Variants in CCDC57 observed in about 807,000 individuals in gnomAD.
CCDC57 encodes coiled-coil domain-containing protein 57.
CCDC57 carries 118 observed loss-of-function variants against 118.9 expected under a neutral mutation model. The ratio of observed to expected loss-of-function variants is 0.99; its 90% CI spans 0.86 to 1.16. The LOEUF is 1.16. Ranked by LOEUF, CCDC57 falls within the 50% of genes most tolerant of loss-of-function variation. CCDC57 has a pLI of 0.00. For synonymous variants in CCDC57, 527 were observed against 532.9 expected (o/e 0.99, Z 0.15); for missense variants, 1,300 against 1,320.7 (o/e 0.98, Z 0.24).
chr17:82,111,366 T>G (rs1450117301), intron 19 of CCDC57, among the ~76,000 whole-genome samples: 1 of 147,480 alleles, frequency 6.8e-6, no homozygotes, highest in Non-Finnish European at 1.5e-5. Flanking sequence ...CCTCTCAAAG[T>G]GCCTAGGGCC....
chr17:82,170,120 A>G (rs1287370416), intron 13 of CCDC57, among the ~76,000 whole-genome samples: 1 of 152,136 alleles, frequency 6.6e-6, no homozygotes. Flanking sequence ...TGAAGCTCTC[A>G]CCCCGAACAT....
chr17:82,166,195 T>G (rs529263348), intron 13 of CCDC57, among the ~76,000 whole-genome samples: 1 of 151,790 alleles, frequency 6.6e-6, no homozygotes, highest in East Asian at 1.9e-4. Context: ...AACACCAAGA[T>G]GACACAGACA....
intron 16 of CCDC57, among the ~76,000 whole-genome samples, chr17:82,151,290 CAT>C: frequency 6.7e-6 from 1 of 148,800 alleles, no homozygotes; most frequent in South Asian, 2.2e-4. Context: ...GAACCAGGCG[CAT>C]ACCCAGAACC....
intron 13 of CCDC57, among the ~76,000 whole-genome samples, chr17:82,165,082 G>A (rs1286658508): frequency 6.6e-6 from 1 of 152,178 alleles, no homozygotes; most frequent in African/African-American, 2.4e-5. Flanking sequence ...AGCTACACAG[G>A]AGGCCAAGGC....
intron 14 of CCDC57, among the ~76,000 whole-genome samples, chr17:82,160,873 CAAAAAAAA>C (rs55750984): frequency 1.8e-3 from 111 of 60,874 alleles, no homozygotes; most frequent in African/African-American, 4.6e-3. Context: ...GACTCTGTCT[CAAAAAAAA>C]AAAAAAAAAA....
intron 7 of CCDC57, among the ~76,000 whole-genome samples, chr17:82,190,540 C>A (rs1418637361): frequency 6.6e-6 from 1 of 151,928 alleles, no homozygotes; most frequent in East Asian, 1.9e-4. Context: ...GCTAAAAATA[C>A]AAAAATTAGC....
intron 16 of CCDC57, among the ~76,000 whole-genome samples, chr17:82,137,718 G>T (rs966715050): frequency 2.0e-5 from 3 of 149,990 alleles, no homozygotes; most frequent in Admixed American, 6.7e-5. Context: ...TGTGTCGCCA[G>T]GCTGGAGTGC....
chr17:82,134,903 G>A (rs1568211599), intron 16 of CCDC57, among the ~76,000 whole-genome samples: 1 of 152,096 alleles, frequency 6.6e-6, no homozygotes, highest in Non-Finnish European at 1.5e-5. Flanking sequence ...CACATCAAAC[G>A]AGATCCTTTC....
intron 19 of CCDC57, chr17:82,113,634 G>C (rs1469179856): frequency 2.8e-6 from 2 of 717,484 alleles, no homozygotes; most frequent in Admixed American, 4.0e-5. Context: ...TTTGGGTGAA[G>C]GGCTCCACTC....
intron 1 of CCDC57, among the ~76,000 whole-genome samples, chr17:82,209,855 C>A (rs986339383): frequency 2.6e-5 from 4 of 152,078 alleles, no homozygotes; most frequent in Admixed American, 2.0e-4. Flanking sequence ...TATAGAAACA[C>A]GTTTCCTACT....
rs79996136 is a variant in CCDC57, at chr17:82,131,409, C to T, written c.2577+2664G>A. On this transcript the variant is annotated intron_variant, in intron 17 of 19. Coordinates refer to ENST00000665763, the Ensembl canonical transcript of CCDC57. ...CCACACCACTGCAGTCTAGCCTGGG[C>T]GACAAAGTGAGACTCCATCTCATAA... Among the ~76,000 whole-genome samples, 814 of 151,354 alleles carry T rather than the reference C, an allele frequency of 5.4e-3. 57 individuals are homozygous for T. In the East Asian group the frequency reaches 0.13, roughly 25 times the overall value.
At chr17:82,182,674 T>A (rs2046356104) in intron 9 of CCDC57, among the ~76,000 whole-genome samples, 2 of 149,298 alleles carry the variant, frequency 1.3e-5, no homozygotes, top group Admixed American at 1.3e-4. Context: ...TTATTTATAT[T>A]TTATTTTTTA....
chr17:82,210,201 A>G (rs1000879489), intron 1 of CCDC57, among the ~76,000 whole-genome samples: 2 of 152,268 alleles, frequency 1.3e-5, no homozygotes, highest in Non-Finnish European at 2.9e-5. Context: ...ATGCACTAAC[A>G]CCGAGACCGC....
Position 82,118,136 on chromosome 17 carries a change from C to T in CCDC57, c.2899+9556G>A, listed in dbSNP as rs2036171350. 1.3e-5 allele frequency among the ~76,000 whole-genome samples: 2 copies of T among 152,096 alleles called. No homozygotes were observed. Among genetic ancestry groups the T allele is most frequent in the Admixed American group, 1.3e-4 (2 of 15,266 alleles). On this transcript the variant is annotated intron_variant, in intron 19 of 19. Transcript: ENST00000665763. The surrounding 1 kb of genome is among the most constrained non-coding windows in gnomAD (Gnocchi z 4.7). The stretch of plus-strand genomic sequence containing the variant: ...TAAATAAAAAAGCAAGCTGCCCCCA[C>T]GATATGCAATTGACAAGAAAAGAGG...
At chr17:82,129,502 A>C (rs532824731) in intron 17 of CCDC57, among the ~76,000 whole-genome samples, 1 of 152,324 alleles carries the variant, frequency 6.6e-6, no homozygotes, top group South Asian at 2.1e-4. Context: ...CAGTGGATGC[A>C]GAGTGTACTT....
intron 7 of CCDC57, among the ~76,000 whole-genome samples, chr17:82,189,335 C>T (rs2047369000): frequency 6.6e-6 from 1 of 152,014 alleles, no homozygotes; most frequent in Non-Finnish European, 1.5e-5. Flanking sequence ...GTGTTGATTT[C>T]CTACCCTCTG....
At chr17:82,186,115 C>T (rs928315249) in intron 8 of CCDC57, among the ~76,000 whole-genome samples, 6 of 151,790 alleles carry the variant, frequency 4.0e-5, no homozygotes, top group East Asian at 1.9e-4. Flanking sequence ...TGTGCCTAGC[C>T]GAGGTCATCA....
chr17:82,191,952 G>A (rs548552633), intron 7 of CCDC57, among the ~76,000 whole-genome samples: 19 of 151,714 alleles, frequency 1.3e-4, no homozygotes, highest in African/African-American at 4.1e-4. Flanking sequence ...ATAGGTGTAG[G>A]CCACCATGCC....
At chr17:82,150,820 C>A (rs78215811) in intron 16 of CCDC57, among the ~76,000 whole-genome samples, 9 of 61,520 alleles carry the variant, frequency 1.5e-4, no homozygotes, top group Middle Eastern at 0.013. Flanking sequence ...CAGAACCAGG[C>A]GCACACTCAG....
Sources: allele counts gnomAD v4.1 joint callset (sites outside exome capture counted in the v4.1 genomes callset), GRCh38; gene constraint gnomAD v4.1.1; non-coding constraint Gnocchi (gnomAD v3.1); transcripts MANE v1.5; gene names NCBI Gene and HGNC (gene_info 2026-07-23, HGNC 2026-07-21).